The following CDC73 variants were observed in gnomAD, a reference collection of about 807,000 sequenced individuals.
The protein encoded by CDC73 is parafibromin.
Under a neutral mutation model 83.7 loss-of-function variants are expected in CDC73, and 21 were observed. That is an observed-to-expected ratio of 0.25 (90% CI 0.18 to 0.36). CDC73 has a LOEUF of 0.36. CDC73 is among the 10% of genes least tolerant of loss of function. The pLI is 1.00. For missense variants in CDC73, 342 were observed against 653.3 expected (o/e 0.52, Z 5.19); for synonymous variants, 224 against 212.9 (o/e 1.05, Z -0.45).
In CDC73 at chr1:193,180,055, A is replaced by G. The variant is rs12410992; in HGVS notation, c.973-23740A>G. The G allele has an allele frequency of 5.3e-3, 1,709 of 323,766 alleles. 51 individuals carry two copies. The highest frequency in any genetic ancestry group is 0.049 in the East Asian group (966 of 19,558). The allele number at this position is 323,766 out of a possible 1,614,324, so 20.1% of individuals were successfully genotyped here. A position where few individuals can be genotyped will look rare whatever the true frequency, so the allele number is the denominator to read the frequency against. On this transcript the variant is annotated intron_variant, in intron 10 of 16. Transcript: ENST00000367435. ...TTGATTTATGCATGCTTGTTATTGC[A>G]TGTTAATACACAGAATCTCCTTATA...
At position 193,187,142 on chromosome 1, in the gene CDC73, C is replaced by T. The variant is rs1676828463; in HGVS notation, c.973-16653C>T. ...TCTGGGGTTTGTATAAATAAGCTGT[C>T]TTGGATTACTTTACTAATGCATGAT... On this transcript the variant is annotated intron_variant, in intron 10 of 16. Transcript: ENST00000367435. Among the ~76,000 whole-genome samples, 4 of 123,876 alleles carry T rather than the reference C, an allele frequency of 3.2e-5. No individual in the cohort carries two copies. The South Asian group carries it at 1.2e-3, about 37-fold the overall frequency. The allele number at this position is 123,876 out of a possible 152,430, so 81.3% of individuals were successfully genotyped here. A position where few individuals can be genotyped will look rare whatever the true frequency, so the allele number is the denominator to read the frequency against.
At chr1:193,200,146 C>G (rs1018697098) in intron 10 of CDC73, among the ~76,000 whole-genome samples, 1 of 151,892 alleles carries the variant, frequency 6.6e-6, no homozygotes, top group African/African-American at 2.4e-5. Context: ...ACTGCTTAAG[C>G]CCCAGAGGTC....
Position 193,251,877 on chromosome 1 carries a change from C to T in CDC73, c.*1165C>T. Reference sequence around the variant, plus strand: ...TTTTTCCTTAAAGGCAACTAGGAAGCTTTACTTTCCTAAAGTGTTTTTGCC... The same window carrying T: ...TTTTTCCTTAAAGGCAACTAGGAAGTTTTACTTTCCTAAAGTGTTTTTGCC... On this transcript the variant is annotated 3_prime_UTR_variant, in exon 17 of 17. Transcript: ENST00000367435. The T allele has an allele frequency of 4.3e-6, 1 of 230,454 alleles. No individual in the cohort carries two copies. The highest frequency in any genetic ancestry group is 1.8e-4 in the South Asian group (1 of 5,488). 14.3% of individuals were successfully genotyped at this position (230,454 alleles called of 1,614,324 possible).
chr1:193,213,493 G>A (rs919726755), intron 13 of CDC73, among the ~76,000 whole-genome samples: 1 of 152,082 alleles, frequency 6.6e-6, no homozygotes, highest in Non-Finnish European at 1.5e-5. Flanking sequence ...TTATGAAATA[G>A]GGGATAGAAA....
intron 10 of CDC73, among the ~76,000 whole-genome samples, chr1:193,187,527 G>T (rs941210741): frequency 2.0e-5 from 3 of 151,982 alleles, no homozygotes; most frequent in Admixed American, 6.6e-5. Context: ...AGTAGGGAAG[G>T]TTTTTTTAAA....
In CDC73 at chr1:193,224,472, T is replaced by TTATGCATTCACATATACACATATATGAAA. The variant is rs1558316778; in HGVS notation, c.1155-8470_1155-8442dup. Among the ~76,000 whole-genome samples, 17 of 147,242 alleles carry TTATGCATTCACATATACACATATATGAAA rather than the reference T, an allele frequency of 1.2e-4. No individual in the cohort carries two copies. The East Asian group carries it at 1.2e-3, about 10-fold the overall frequency. ...GCATTCACATATGCACATACGAAAT[T>TTATGCATTCACATATACACATATATGAAA]TATGCATTCACATATACACATATAT... On this transcript the variant is annotated intron_variant, in intron 13 of 16. Coordinates refer to ENST00000367435, the MANE Select transcript of CDC73 (RefSeq NM_024529.5).
chr1:193,245,508 C>G (rs559385403), intron 15 of CDC73, among the ~76,000 whole-genome samples: 1 of 152,134 alleles, frequency 6.6e-6, no homozygotes, highest in African/African-American at 2.4e-5. Context: ...GCCACATTTT[C>G]TTTATCCATT....
At chr1:193,224,694 A>G (rs1200543705) in intron 13 of CDC73, among the ~76,000 whole-genome samples, 1 of 152,182 alleles carries the variant, frequency 6.6e-6, no homozygotes, top group Non-Finnish European at 1.5e-5. Flanking sequence ...ATGTACATAT[A>G]TGAGTACAAG....
intron 15 of CDC73, among the ~76,000 whole-genome samples, chr1:193,245,241 A>G (rs566861488): frequency 4.0e-4 from 61 of 152,138 alleles, no homozygotes; most frequent in Admixed American, 6.5e-4. Context: ...TATTTCTTCT[A>G]TCCAGTCATA....
At chr1:193,134,650 C>T (rs781760705) in intron 3 of CDC73, among the ~76,000 whole-genome samples, 9 of 152,022 alleles carry the variant, frequency 5.9e-5, no homozygotes, top group Non-Finnish European at 1.0e-4. Flanking sequence ...GCCTGGGTGA[C>T]AGAGCGAGAC....
In CDC73 at chr1:193,249,886, A is replaced by G. The variant is rs201770660; in HGVS notation, c.1559+15A>G. On this transcript the variant is annotated intron_variant, in intron 16 of 16. Transcript: ENST00000367435. The stretch of plus-strand genomic sequence containing the variant: ...ACATTGGACAGGTAATTCCGATTCT[A>G]AAATATGCTTGTGTGTGTTTTATTG... 1 of 1,610,970 alleles carries G rather than the reference A, an allele frequency of 6.2e-7. No homozygotes were observed. Among genetic ancestry groups the G allele is most frequent in the Non-Finnish European group, 8.5e-7 (1 of 1,177,442 alleles).
chr1:193,167,335 G>A (rs1435517338), intron 10 of CDC73, among the ~76,000 whole-genome samples: 1 of 152,090 alleles, frequency 6.6e-6, no homozygotes, highest in Non-Finnish European at 1.5e-5. Context: ...TACTCATAGA[G>A]GCTAATTCCT....
intron 11 of CDC73, among the ~76,000 whole-genome samples, chr1:193,204,239 GTATATA>G (rs1165046370): frequency 1.5e-5 from 2 of 133,706 alleles, no homozygotes; most frequent in Non-Finnish European, 3.1e-5. Context: ...ATATATACAC[GTATATA>G]TATGTGTATG....
At chr1:193,246,629 T>C (rs1677959566) in intron 15 of CDC73, among the ~76,000 whole-genome samples, 1 of 152,116 alleles carries the variant, frequency 6.6e-6, no homozygotes, top group South Asian at 2.1e-4. Context: ...TTTTTTCTCT[T>C]CATCATTTCT....
chr1:193,130,723 T>A (rs768486822), intron 3 of CDC73, among the ~76,000 whole-genome samples: 1 of 151,270 alleles, frequency 6.6e-6, no homozygotes, highest in Non-Finnish European at 1.5e-5. Flanking sequence ...CTGGCCTTCA[T>A]CCTTACCATC....
At chr1:193,134,023 AC>A (rs553256457) in intron 3 of CDC73, among the ~76,000 whole-genome samples, 29 of 152,182 alleles carry the variant, frequency 1.9e-4, no homozygotes, top group Non-Finnish European at 4.3e-4. Flanking sequence ...TAATCAGTGC[AC>A]CCCTACACCC....
intron 15 of CDC73, among the ~76,000 whole-genome samples, chr1:193,249,398 G>A (rs759481230): frequency 2.6e-5 from 4 of 152,072 alleles, no homozygotes; most frequent in Middle Eastern, 3.4e-3. Flanking sequence ...GGAAATATGC[G>A]TAACTCATTT....
intron 10 of CDC73, chr1:193,180,825 T>C (rs752978472): frequency 9.9e-6 from 16 of 1,613,962 alleles, no homozygotes; most frequent in African/African-American, 5.3e-5. Context: ...TCATAACATA[T>C]GGAATATGTG....
intron 15 of CDC73, among the ~76,000 whole-genome samples, chr1:193,243,877 T>A (rs1176500110): frequency 6.6e-6 from 1 of 152,196 alleles, no homozygotes; most frequent in Non-Finnish European, 1.5e-5. Context: ...TTTTAAATGT[T>A]TATTAAGAAT....
Sources: gnomAD v4.1 joint callset for allele counts (sites outside exome capture counted in the v4.1 genomes callset) on GRCh38, gnomAD v4.1.1 for gene constraint, MANE v1.5 for transcripts, NCBI Gene and HGNC (gene_info 2026-07-23, HGNC 2026-07-21) for gene names.